Variants in INO80 observed in about 807,000 individuals in gnomAD.
INO80 encodes INO80 complex ATPase subunit.
In INO80, 20 loss-of-function variants were observed where a neutral mutation model predicts 203.4. The ratio of observed to expected loss-of-function variants is 0.10; its 90% confidence interval spans 0.07 to 0.14. The LOEUF is 0.14. Among genes scored for constraint, INO80 ranks in the 10% least tolerant of loss-of-function variants. The pLI, the probability that INO80 is intolerant of heterozygous loss-of-function variation, is 1.00. For missense variants in INO80, 1,419 were observed against 1,914.4 expected (o/e 0.74, Z 4.83); for synonymous variants, 726 against 685.2 (o/e 1.06, Z -0.93).
At chr15:40,997,971 T>C (rs2043901534) in intron 28 of INO80, among the ~76,000 whole-genome samples, 1 of 151,710 alleles carries the variant, frequency 6.6e-6, no homozygotes, top group Non-Finnish European at 1.5e-5. Flanking sequence ...CTAAGAATCA[T>C]GACTTATAAT....
chr15:41,107,344 T>C (rs995175905), intron 1 of INO80, among the ~76,000 whole-genome samples: 5 of 151,852 alleles, frequency 3.3e-5, no homozygotes, highest in African/African-American at 1.2e-4. Flanking sequence ...CTACTAAAAA[T>C]ACAAAAATTA....
chr15:41,051,145 A>G (rs182886371), intron 19 of INO80, among the ~76,000 whole-genome samples: 1 of 150,796 alleles, frequency 6.6e-6, no homozygotes, highest in South Asian at 2.1e-4. Flanking sequence ...AAAAAAAAAG[A>G]AAGTTCTCCC....
At chr15:41,030,616 C>T (rs899499577) in intron 24 of INO80, among the ~76,000 whole-genome samples, 4 of 152,036 alleles carry the variant, frequency 2.6e-5, no homozygotes, top group African/African-American at 7.2e-5. Flanking sequence ...CTCTCCTCAG[C>T]CTCCCAAAGT....
intron 6 of INO80, among the ~76,000 whole-genome samples, chr15:41,086,218 T>C (rs1011061137): frequency 3.9e-5 from 6 of 152,110 alleles, no homozygotes; most frequent in Admixed American, 2.6e-4. Context: ...CATATTGATA[T>C]GTCACTAAGA....
chr15:41,047,969 G>C (rs1413988764), intron 22 of INO80, among the ~76,000 whole-genome samples: 1 of 152,156 alleles, frequency 6.6e-6, no homozygotes, highest in Non-Finnish European at 1.5e-5. Context: ...TTCTTGAAAG[G>C]CAGGTATAAA....
intron 4 of INO80, 53 bp downstream of exon 4, chr15:41,095,548 T>C: frequency 8.1e-7 from 1 of 1,231,584 alleles, no homozygotes; most frequent in South Asian, 1.3e-5. Context: ...TTCCCATCTA[T>C]TAGTAACTTT....
At chr15:40,985,901 C>CT (rs1486861940) in intron 31 of INO80, among the ~76,000 whole-genome samples, 1 of 152,072 alleles carries the variant, frequency 6.6e-6, no homozygotes, top group Non-Finnish European at 1.5e-5. Flanking sequence ...CAGCAAAACT[C>CT]TGTCTAAAAA....
At chr15:41,031,516 GGAAGGGAGGAAGGA>G (rs1445780912) in intron 24 of INO80, among the ~76,000 whole-genome samples, 4 of 77,052 alleles carry the variant, frequency 5.2e-5, no homozygotes, top group African/African-American at 1.0e-4. Flanking sequence ...GGAAGGAAGG[GGAAGGGAGGAAGGA>G]GAAGGGAGGA....
At chr15:41,100,052 C>T (rs1306860096) in intron 1 of INO80, among the ~76,000 whole-genome samples, 1 of 151,926 alleles carries the variant, frequency 6.6e-6, no homozygotes, top group Non-Finnish European at 1.5e-5. Flanking sequence ...CCAAGTAATA[C>T]GGAGTGATTC....
intron 23 of INO80, among the ~76,000 whole-genome samples, chr15:41,046,642 G>A (rs1034970405): frequency 2.6e-5 from 4 of 151,610 alleles, no homozygotes; most frequent in African/African-American, 7.3e-5. Context: ...TTTTGAGACC[G>A]AGTCTCATTC....
intron 20 of INO80, 34 bp from the exon 21 acceptor site, chr15:41,049,454 C>T (rs777001333): frequency 6.2e-7 from 1 of 1,604,616 alleles, no homozygotes; most frequent in Non-Finnish European, 8.5e-7. Flanking sequence ...ACAATATTAC[C>T]ACATGCAGAC....
At chr15:41,098,950 T>G (rs760568813) in intron 1 of INO80, among the ~76,000 whole-genome samples, 1 of 151,502 alleles carries the variant, frequency 6.6e-6, no homozygotes, top group African/African-American at 2.4e-5. Flanking sequence ...CCCACTAGAA[T>G]AATAAAAAAG....
chr15:41,111,403 G>A (rs568878393), intron 1 of INO80, among the ~76,000 whole-genome samples: 134 of 152,076 alleles, frequency 8.8e-4, no homozygotes, highest in Non-Finnish European at 1.6e-3. Context: ...CCAAGATGGC[G>A]CCACTGCACT....
chr15:41,057,839 G>C (rs1000551251), intron 16 of INO80, among the ~76,000 whole-genome samples: 13 of 123,428 alleles, frequency 1.1e-4, no homozygotes, highest in Non-Finnish European at 2.1e-4. Context: ...GAAAAGAATA[G>C]AAAAAACAAA....
At chr15:41,035,546 G>T (rs2044557289) in intron 24 of INO80, among the ~76,000 whole-genome samples, 1 of 151,652 alleles carries the variant, frequency 6.6e-6, no homozygotes, top group African/African-American at 2.4e-5. Flanking sequence ...AAAAGACCGG[G>T]CGCGGTGGCT....
At chr15:40,984,516 T>A (rs559459368) in intron 32 of INO80, among the ~76,000 whole-genome samples, 164 bp from the exon 33 acceptor site, 1 of 152,304 alleles carries the variant, frequency 6.6e-6, no homozygotes, top group Non-Finnish European at 1.5e-5. Context: ...AAGGGATAGC[T>A]TAACAGGAGT....
intron 1 of INO80, among the ~76,000 whole-genome samples, chr15:41,097,718 C>A (rs1244106031): frequency 6.6e-6 from 1 of 152,054 alleles, no homozygotes; most frequent in Non-Finnish European, 1.5e-5. Context: ...AGGTGATCCA[C>A]CAGTCCCAAC....
intron 5 of INO80, among the ~76,000 whole-genome samples, chr15:41,090,691 TG>T: frequency 6.6e-6 from 1 of 152,126 alleles, no homozygotes. Flanking sequence ...GCAAATGTTC[TG>T]GAATTAGGCA....
At chr15:41,023,467 A>G in intron 25 of INO80, 3 of 379,770 alleles carry the variant, frequency 7.9e-6, no homozygotes, top group South Asian at 5.9e-5. Flanking sequence ...AGTAAAGCAT[A>G]TTTAGTCTTC....
Sources: allele counts gnomAD v4.1 joint callset (sites outside exome capture counted in the v4.1 genomes callset), GRCh38; gene constraint gnomAD v4.1.1; transcripts MANE v1.5; gene names NCBI Gene and HGNC (gene_info 2026-07-23, HGNC 2026-07-21).